The following ABCA13 variants were observed in gnomAD, a reference collection of about 807,000 sequenced individuals.
The protein encoded by ABCA13 is ATP binding cassette subfamily A member 13.
Under a neutral mutation model 478.7 loss-of-function variants are expected in ABCA13, and 476 were observed. The ratio of observed to expected loss-of-function variants is 0.99; its 90% CI spans 0.92 to 1.07. ABCA13 has a LOEUF of 1.07. ABCA13 is among the 50% of genes least tolerant of loss of function. The pLI is 0.00. For synonymous variants in ABCA13, 2,252 were observed against 2,158.9 expected (o/e 1.04, Z -1.20); for missense variants, 6,060 against 5,910.6 (o/e 1.03, Z -0.83).
chr7:48,634,247 T>C (rs1346687533), intron 59 of ABCA13, among the ~76,000 whole-genome samples: 1 of 152,228 alleles, frequency 6.6e-6, no homozygotes, highest in African/African-American at 2.4e-5. Context: ...GTCTGTAATG[T>C]TCCTTTCTTT....
chr7:48,579,271 C>T (rs6977918), intron 55 of ABCA13, among the ~76,000 whole-genome samples: 8,286 of 152,182 alleles, frequency 0.054, 254 homozygotes, highest in South Asian at 0.085. Context: ...ATAAAGAATC[C>T]TTAAAATTAA....
chr7:48,255,889 G>GT (rs1793314219), intron 15 of ABCA13, among the ~76,000 whole-genome samples: 1 of 152,142 alleles, frequency 6.6e-6, no homozygotes, highest in Non-Finnish European at 1.5e-5. Flanking sequence ...TTGCCACACT[G>GT]TTTTCCACGA....
At position 48,389,463 on chromosome 7, in the gene ABCA13, G is replaced by T. The variant is rs570939793; in HGVS notation, c.11654+243G>T. Among the ~76,000 whole-genome samples, 7 of 152,284 alleles carry T rather than the reference G, an allele frequency of 4.6e-5. No individual in the cohort carries two copies. The South Asian group carries it at 1.5e-3, about 32-fold the overall frequency. Reference sequence around the variant, plus strand: ...TCAGTCAAAGGGGTAGTGGTGGATAGCTTTTTAAAAGGCTTAATTCTTGTA... The same window carrying T: ...TCAGTCAAAGGGGTAGTGGTGGATATCTTTTTAAAAGGCTTAATTCTTGTA... On this transcript the variant is annotated intron_variant, in intron 37 of 61. Transcript: ENST00000435803.
intron 38 of ABCA13, among the ~76,000 whole-genome samples, chr7:48,402,000 T>C (rs138688828): frequency 1.9e-4 from 29 of 152,310 alleles, no homozygotes; most frequent in Non-Finnish European, 3.4e-4. Flanking sequence ...ACATCTTGTT[T>C]GACACCTGTG....
At chr7:48,326,831 G>A (rs1804401948) in intron 27 of ABCA13, among the ~76,000 whole-genome samples, 2 of 152,218 alleles carry the variant, frequency 1.3e-5, no homozygotes, top group Admixed American at 1.3e-4. Context: ...AGGGCATGGG[G>A]AAGACTGCTT....
chr7:48,454,664 C>T (rs1825442110), intron 42 of ABCA13, among the ~76,000 whole-genome samples: 1 of 152,142 alleles, frequency 6.6e-6, no homozygotes, highest in Admixed American at 6.5e-5. Context: ...CCGACCCACA[C>T]ATAAGCTGGG....
At chr7:48,438,805 T>C (rs1489604305) in intron 42 of ABCA13, among the ~76,000 whole-genome samples, 1 of 151,964 alleles carries the variant, frequency 6.6e-6, no homozygotes, top group East Asian at 1.9e-4. Context: ...GAAATCTCCT[T>C]AGCTAAATAT....
chr7:48,227,495 A>G (rs1188539853), intron 6 of ABCA13, 70 bp downstream of exon 6: 1 of 1,508,146 alleles, frequency 6.6e-7, no homozygotes. Context: ...AAAATGAGAA[A>G]TAAAAATTAC....
At chr7:48,527,548 T>C (rs4072502) in intron 54 of ABCA13, among the ~76,000 whole-genome samples, 21,023 of 152,022 alleles carry the variant, frequency 0.14, 1,797 homozygotes, top group African/African-American at 0.23. Flanking sequence ...AGAGACAAAG[T>C]GTAGAAAAGA....
intron 59 of ABCA13, among the ~76,000 whole-genome samples, chr7:48,629,057 C>G (rs1035766650): frequency 4.6e-5 from 7 of 152,212 alleles, no homozygotes; most frequent in African/African-American, 1.7e-4. Flanking sequence ...TTATTCATGA[C>G]TAGTTTGCTG....
chr7:48,531,739 T>G (rs1462862227), intron 55 of ABCA13, among the ~76,000 whole-genome samples: 1 of 139,578 alleles, frequency 7.2e-6, no homozygotes, highest in African/African-American at 3.2e-5. Context: ...TAATTTTTTT[T>G]TTTTTTTTTT....
intron 31 of ABCA13, 40 bp downstream of exon 31, chr7:48,352,527 G>T: frequency 6.6e-7 from 1 of 1,510,976 alleles, no homozygotes; most frequent in Non-Finnish European, 8.9e-7. Context: ...AGTGAGAAGG[G>T]CCTTGCATTT....
chr7:48,530,362 A>G (rs925759128), intron 55 of ABCA13, among the ~76,000 whole-genome samples: 1 of 151,840 alleles, frequency 6.6e-6, no homozygotes, highest in African/African-American at 2.4e-5. Context: ...ATACACATAT[A>G]TACATATATA....
intron 55 of ABCA13, among the ~76,000 whole-genome samples, chr7:48,537,008 C>G (rs1413947323): frequency 6.6e-6 from 1 of 151,820 alleles, no homozygotes; most frequent in Non-Finnish European, 1.5e-5. Flanking sequence ...AACTATGGTT[C>G]TCCTAAAATT....
intron 55 of ABCA13, among the ~76,000 whole-genome samples, chr7:48,575,781 C>T (rs541277082): frequency 1.3e-5 from 2 of 152,224 alleles, no homozygotes; most frequent in East Asian, 3.9e-4. Context: ...ATTTTCACAA[C>T]AGGAAAATAC....
chr7:48,357,683 A>G (rs771430471), intron 31 of ABCA13, among the ~76,000 whole-genome samples: 1 of 152,020 alleles, frequency 6.6e-6, no homozygotes, highest in Non-Finnish European at 1.5e-5. Flanking sequence ...GTACAGTGGA[A>G]GAAATTGAGA....
chr7:48,624,118 G>A (rs939365608), intron 59 of ABCA13, among the ~76,000 whole-genome samples: 4 of 151,194 alleles, frequency 2.6e-5, no homozygotes, highest in Admixed American at 1.3e-4. Flanking sequence ...TAATAACAGA[G>A]GAGAGCTGGA....
At chr7:48,288,431 C>T (rs997351346) in intron 20 of ABCA13, among the ~76,000 whole-genome samples, 3 of 152,178 alleles carry the variant, frequency 2.0e-5, no homozygotes, top group Admixed American at 6.5e-5. Context: ...CAAGATTCAT[C>T]ACTTCCTAAT....
At position 48,276,064 on chromosome 7, in the gene ABCA13, A is replaced by G. The variant is rs1379257761; in HGVS notation, c.6398A>G (p.Tyr2133Cys). The change falls in exon 17 of 62, where the codon TAT (tyrosine) becomes TGT (cysteine). Residue 2133 changes from tyrosine to cysteine, a missense_variant. Physicochemically the swap from Tyr to Cys is radical, Grantham distance 194 (BLOSUM62 -2). Coordinates refer to ENST00000435803, the MANE Select transcript of ABCA13 (RefSeq NM_152701.5). The part of the protein sequence containing the change: ...LLVTKNWLQE[Y>C]ANEDYSRMIE... ...GTCACAAAAAACTGGCTTCAGGAATATGCAAATGAGGATTACTCCAGAATG... is the reference window on the plus strand; with the variant it reads ...GTCACAAAAAACTGGCTTCAGGAATGTGCAAATGAGGATTACTCCAGAATG... The G allele has an allele frequency of 3.7e-6, 6 of 1,606,482 alleles. No individual in the cohort carries two copies. The African/African-American group carries it at 4.0e-5, about 11-fold the overall frequency.
Sources: allele counts gnomAD v4.1 joint callset (sites outside exome capture counted in the v4.1 genomes callset), GRCh38; gene constraint gnomAD v4.1.1; transcripts MANE v1.5; gene names NCBI Gene and HGNC (gene_info 2026-07-23, HGNC 2026-07-21).